The following TLR1 variants were observed in gnomAD, a reference collection of about 807,000 sequenced individuals.
The protein encoded by TLR1 is toll-like receptor 1.
A neutral mutation model predicts 20.2 loss-of-function variants in TLR1; 19 were observed. That is an observed-to-expected ratio of 0.94 (90% CI 0.66 to 1.38). The LOEUF (loss-of-function observed/expected upper bound fraction) is 1.38, where lower values mean the gene tolerates loss of function less well. Ranked by LOEUF, TLR1 falls within the 40% of genes most tolerant of loss-of-function variation. The probability of loss-of-function intolerance (pLI) is 0.00; values close to 1 mark genes in which losing one functional copy is unlikely to be tolerated. For synonymous variants in TLR1, 320 were observed against 334.5 expected, an observed-to-expected ratio of 0.96 and a Z score of 0.47; for missense variants, 921 against 910.0, an observed-to-expected ratio of 1.01 and a Z score of -0.16.
In TLR1 at chr4:38,798,438, A is replaced by G. The variant is rs141970382; in HGVS notation, c.394T>C (p.Cys132Arg). Residue 132 changes from cysteine (C) to arginine (R), a missense_variant, in exon 4 of 4, where the codon TGC becomes CGC. By Grantham distance (180) the Cys-to-Arg change is radical (BLOSUM62 -3). Transcript: ENST00000308979. ...TGAGACATATTGCCAAACTCTTTGC[A>G]TATAGGCAGGGCATCAAATGCATTA... is the stretch of plus-strand genomic sequence containing the variant. Reference protein sequence around the residue: ...SFNAFDALPICKEFGNMSQLK... With the variant: ...SFNAFDALPIRKEFGNMSQLK... The G allele has an allele frequency of 4.3e-6, 7 of 1,613,814 alleles. No individual in the cohort carries two copies. The highest frequency in any genetic ancestry group is 4.0e-5 in the African/African-American group (3 of 74,930).
chr4:38,791,039 T>TG (rs1447235327), exon 4 of TLR1: 1 of 152,314 alleles, frequency 6.6e-6, no homozygotes, highest in Admixed American at 6.5e-5. Flanking sequence ...GGTGTTTATC[T>TG]GGGGAATTCA....
At chr4:38,793,262 G>T (rs916429951), downstream of TLR1, among the ~76,000 whole-genome samples, 1 of 152,118 alleles carries the variant, frequency 6.6e-6, no homozygotes, top group African/African-American at 2.4e-5. Context: ...AGACATATTT[G>T]ACCAGTCTTT....
At chr4:38,804,047 G>A (rs918301769) in intron 2 of TLR1, among the ~76,000 whole-genome samples, 1 of 152,202 alleles carries the variant, frequency 6.6e-6, no homozygotes, top group Non-Finnish European at 1.5e-5. Flanking sequence ...AGACCAAATA[G>A]CTATTAACCA....
rs1260086646 is a variant in TLR1, at chr4:38,798,270, T to TA, written c.561dup (p.Asn188Ter). ...AACACAATGTGCAGACTCTCAGTGT[T>TA]AAAGTCTTGAAGGCCCTCAGGGTCT... On this transcript the variant is annotated frameshift_variant, in exon 4 of 4. Coordinates refer to ENST00000308979, the MANE Select transcript of TLR1 (RefSeq NM_003263.4). LOFTEE classifies it low-confidence loss of function (END_TRUNC). 1 of 1,612,198 alleles carries TA rather than the reference T, an allele frequency of 6.2e-7. No individual in the cohort carries two copies. Among genetic ancestry groups the TA allele is most frequent in the Non-Finnish European group, 8.5e-7 (1 of 1,178,804 alleles).
chr4:38,790,343 G>A (rs546826711), downstream of TLR1, among the ~76,000 whole-genome samples: 134 of 152,298 alleles, frequency 8.8e-4, no homozygotes, highest in Non-Finnish European at 1.9e-3. Context: ...TTGACTGTTT[G>A]GCTGGATATA....
chr4:38,789,762 C>T (rs916091103), downstream of TLR1, among the ~76,000 whole-genome samples: 2 of 152,122 alleles, frequency 1.3e-5, no homozygotes, highest in South Asian at 2.1e-4. Context: ...TGCATCAGGC[C>T]TCAATGGTTT....
At position 38,797,375 on chromosome 4, in the gene TLR1, C is replaced by G; in HGVS notation, c.1457G>C (p.Cys486Ser). The G allele has an allele frequency of 1.2e-6, 2 of 1,614,136 alleles. No homozygotes were observed. The highest frequency in any genetic ancestry group is 1.7e-6 in the Non-Finnish European group (2 of 1,179,972). Residue 486 changes from cysteine (C) to serine (S), a missense_variant, in exon 4 of 4, where the codon TGT becomes TCT. By Grantham distance (112) the Cys-to-Ser change is moderately radical. Coordinates refer to ENST00000308979, the MANE Select transcript of TLR1 (RefSeq NM_003263.4). ...TACAGAAAGGCTGCTAAAGCTGCCACATCCAGGAAGGTCAGTTAAAGAATT... is the reference window on the plus strand; with the variant it reads ...TACAGAAAGGCTGCTAAAGCTGCCAGATCCAGGAAGGTCAGTTAAAGAATT... ...AFNSLTDLPG[C>S]GSFSSLSVLI...
chr4:38,804,601 G>C (rs936394040), intron 1 of TLR1, among the ~76,000 whole-genome samples, 153 bp downstream of exon 1: 1 of 152,186 alleles, frequency 6.6e-6, no homozygotes, highest in African/African-American at 2.4e-5. Flanking sequence ...ATACACAAAT[G>C]CCAGTACAAA....
At chr4:38,801,935 G>A (rs1463672224) in intron 2 of TLR1, among the ~76,000 whole-genome samples, 3 of 152,292 alleles carry the variant, frequency 2.0e-5, no homozygotes, top group Non-Finnish European at 4.4e-5. Context: ...CATGGCTCAC[G>A]CCTGTAATTC....
At chr4:38,799,029 C>T (rs1395800868) in intron 3 of TLR1, 131 bp from the exon 4 acceptor site, 2 of 492,736 alleles carry the variant, frequency 4.1e-6, no homozygotes, top group Admixed American at 7.7e-5. Flanking sequence ...TTTTGGGTTA[C>T]ATGGCCTAAA....
At chr4:38,796,034 C>T (rs1044425658), downstream of TLR1, among the ~76,000 whole-genome samples, 3 of 152,158 alleles carry the variant, frequency 2.0e-5, no homozygotes, top group African/African-American at 7.2e-5. Context: ...TATCAACGAG[C>T]AGCCATCAAT....
rs758856695 is a variant in TLR1, at chr4:38,798,130, T to C, written c.702A>G (p.Leu234=). The C allele has an allele frequency of 1.9e-6, 3 of 1,613,806 alleles. No homozygotes were observed. Among genetic ancestry groups the C allele is most frequent in the Admixed American group, 1.7e-5 (1 of 59,984 alleles). ...TTGTTTGAAGTTTCGCCAGAATACT[T>C]AGGAAGTAAGAACATTTGTTATCTT... ...VLEDNKCSYF[L]SILAKLQTNP... is the part of the protein sequence containing the mutation. Residue 234 remains leucine, a synonymous_variant, in exon 4 of 4, where the codon CTA becomes CTG. Transcript: ENST00000308979.
Position 38,798,552 on chromosome 4 carries a change from C to T in TLR1, c.280G>A (p.Glu94Lys), listed in dbSNP as rs1726374875. ...LDISVFKFNQ[E>K]LEYLDLSHNK... Reference sequence around the variant, plus strand: ...TGGGACAAATCCAAGTATTCCAATTCCTGGTTGAATTTGAAAACACTGATA... The same window carrying T: ...TGGGACAAATCCAAGTATTCCAATTTCTGGTTGAATTTGAAAACACTGATA... The change falls in exon 4 of 4, where the codon GAA becomes AAA. Residue 94 changes from glutamate (E) to lysine (K), a missense_variant. Physicochemically the swap from Glu to Lys is moderately conservative, Grantham distance 56. Coordinates refer to ENST00000308979, the MANE Select transcript of TLR1 (RefSeq NM_003263.4). 2 of 1,614,048 alleles carry T rather than the reference C, an allele frequency of 1.2e-6. No homozygotes were observed. The highest frequency in any genetic ancestry group is 2.2e-5 in the East Asian group (1 of 44,874).
In TLR1 at chr4:38,797,479, A is replaced by T. The variant is rs1469381310; in HGVS notation, c.1353T>A (p.Asp451Glu). Residue 451 changes from aspartate (D) to glutamate (E), a missense_variant, in exon 4 of 4, where the codon GAT becomes GAA. Transcript: ENST00000308979. ...RCLPPRIKVL[D>E]LHSNKIKSIP... ...TGCTCTTTATTTTATTGCTGTGAAG[A>T]TCAAGTACCTTGATCCTGGGAGGTA... is the stretch of plus-strand genomic sequence containing the variant. 12 of 1,614,214 alleles carry T rather than the reference A, an allele frequency of 7.4e-6. No homozygotes were observed. Among genetic ancestry groups the T allele is most frequent in the Non-Finnish European group, 1.0e-5 (12 of 1,180,036 alleles).
chr4:38,799,447 A>C (rs567833470), intron 3 of TLR1, among the ~76,000 whole-genome samples: 17 of 152,248 alleles, frequency 1.1e-4, no homozygotes, highest in African/African-American at 3.9e-4. Context: ...AAGCTAGAGG[A>C]GGCTCTGGAG....
At chr4:38,798,927 T>G in intron 3 of TLR1, 29 bp from the exon 4 acceptor site, 3 of 976,876 alleles carry the variant, frequency 3.1e-6, no homozygotes, top group Non-Finnish European at 4.4e-6. Context: ...AATGATGAAA[T>G]ACATTACATA....
downstream of TLR1, among the ~76,000 whole-genome samples, chr4:38,793,394 C>G (rs1047355050): frequency 6.6e-6 from 1 of 152,152 alleles, no homozygotes; most frequent in South Asian, 2.1e-4. Context: ...AAATACATGA[C>G]GGAGCTAGAA....
intron 3 of TLR1, among the ~76,000 whole-genome samples, chr4:38,799,240 G>A (rs1389817795): frequency 6.6e-6 from 1 of 152,178 alleles, no homozygotes; most frequent in African/African-American, 2.4e-5. Flanking sequence ...AGGATCTTGA[G>A]ATGAGGAGAT....
At chr4:38,802,628 C>T (rs1579216630) in intron 2 of TLR1, among the ~76,000 whole-genome samples, 1 of 152,342 alleles carries the variant, frequency 6.6e-6, no homozygotes, top group East Asian at 1.9e-4. Flanking sequence ...GCACTTGGAT[C>T]TCTCAAGTTG....
Sources: gnomAD v4.1 joint callset for allele counts (sites outside exome capture counted in the v4.1 genomes callset) on GRCh38, gnomAD v4.1.1 for gene constraint, MANE v1.5 for transcripts, NCBI Gene and HGNC (gene_info 2026-07-23, HGNC 2026-07-21) for gene names.